PARD3: variants seen among roughly 807,000 people sequenced by gnomAD.
The protein encoded by PARD3 is par-3 family cell polarity regulator.
In PARD3, 75 loss-of-function variants were observed where a neutral mutation model predicts 155.4. That is an observed-to-expected ratio of 0.48 (90% confidence interval 0.40 to 0.58). The LOEUF (loss-of-function observed/expected upper bound fraction) is 0.58, where lower values mean the gene tolerates loss of function less well. Among genes scored for constraint, PARD3 ranks in the 20% least tolerant of loss-of-function variants. The pLI, the probability that PARD3 is intolerant of heterozygous loss-of-function variation, is 0.00. For synonymous variants in PARD3, 576 were observed against 610.5 expected (o/e 0.94, Z 0.83); for missense variants, 1,642 against 1,721.7 (o/e 0.95, Z 0.82).
chr10:34,452,916 C>T (rs1443880403), intron 4 of PARD3, among the ~76,000 whole-genome samples: 2 of 152,280 alleles, frequency 1.3e-5, no homozygotes, highest in Admixed American at 6.5e-5. Context: ...ATTGATACAA[C>T]ATTTTTGCTG....
At chr10:34,550,290 C>T (rs1007527705) in intron 2 of PARD3, among the ~76,000 whole-genome samples, 7 of 152,182 alleles carry the variant, frequency 4.6e-5, no homozygotes, top group African/African-American at 1.7e-4. Flanking sequence ...GGTAGGATCA[C>T]TGCCTCAAAG....
At chr10:34,772,700 AG>A (rs1232190394) in intron 1 of PARD3, among the ~76,000 whole-genome samples, 2 of 149,544 alleles carry the variant, frequency 1.3e-5, no homozygotes, top group East Asian at 4.1e-4. Flanking sequence ...AGGCTGAGGC[AG>A]GAGAATTGCT....
intron 12 of PARD3, among the ~76,000 whole-genome samples, chr10:34,361,326 T>C (rs1397789597): frequency 6.6e-6 from 1 of 152,232 alleles, no homozygotes; most frequent in Admixed American, 6.5e-5. Flanking sequence ...GAAATATTTC[T>C]CCAGCATCTG....
At chr10:34,323,536 C>T (rs1263705992) in intron 19 of PARD3, among the ~76,000 whole-genome samples, 1 of 152,116 alleles carries the variant, frequency 6.6e-6, no homozygotes, top group African/African-American at 2.4e-5. Flanking sequence ...TAGATGACTC[C>T]TCAGACACTC....
At chr10:34,627,241 C>G (rs2092023282) in intron 2 of PARD3, among the ~76,000 whole-genome samples, 1 of 152,100 alleles carries the variant, frequency 6.6e-6, no homozygotes, top group African/African-American at 2.4e-5. Context: ...CTTTGTTGCT[C>G]AGGCTTGAAC....
intron 2 of PARD3, among the ~76,000 whole-genome samples, chr10:34,589,267 TAA>T (rs1384438100): frequency 6.6e-6 from 1 of 152,148 alleles, no homozygotes; most frequent in African/African-American, 2.4e-5. Context: ...CACAATCACT[TAA>T]AAAAGTGTAG....
chr10:34,408,639 T>C (rs1197307698), intron 5 of PARD3, among the ~76,000 whole-genome samples: 4 of 152,140 alleles, frequency 2.6e-5, no homozygotes, highest in Non-Finnish European at 4.4e-5. Flanking sequence ...TTTCCCATCA[T>C]ATATGGAAAA....
intron 1 of PARD3, among the ~76,000 whole-genome samples, chr10:34,734,450 T>C (rs1437731141): frequency 1.4e-5 from 2 of 147,902 alleles, no homozygotes; most frequent in African/African-American, 2.5e-5. Context: ...ATTCTCCTGC[T>C]TCAGCCTCCA....
chr10:34,435,438 GAA>G, intron 5 of PARD3, among the ~76,000 whole-genome samples: 1 of 152,224 alleles, frequency 6.6e-6, no homozygotes, highest in Non-Finnish European at 1.5e-5. Flanking sequence ...GAAAGAAAGA[GAA>G]AGACTGCCAG....
intron 2 of PARD3, among the ~76,000 whole-genome samples, chr10:34,605,339 G>A (rs1564404434): frequency 1.3e-5 from 2 of 148,692 alleles, no homozygotes; most frequent in Non-Finnish European, 3.0e-5. Flanking sequence ...ACTACAGGGC[G>A]CCTACCACCA....
intron 10 of PARD3, among the ~76,000 whole-genome samples, chr10:34,376,168 C>T (rs1841215988): frequency 6.6e-6 from 1 of 152,140 alleles, no homozygotes; most frequent in African/African-American, 2.4e-5. Flanking sequence ...ATAGCTACAA[C>T]TGTAGATACT....
intron 2 of PARD3, among the ~76,000 whole-genome samples, chr10:34,547,002 A>G (rs1357645234): frequency 6.6e-6 from 1 of 152,242 alleles, no homozygotes; most frequent in Non-Finnish European, 1.5e-5. Flanking sequence ...AGCTCACTCT[A>G]ACAAGTTATT....
At chr10:34,511,471 A>G (rs915813824) in intron 3 of PARD3, among the ~76,000 whole-genome samples, 1 of 152,188 alleles carries the variant, frequency 6.6e-6, no homozygotes, top group Non-Finnish European at 1.5e-5. Context: ...AGGGGCTGGC[A>G]TCTGGAGAGG....
chr10:34,360,010 G>T, intron 13 of PARD3, 61 bp downstream of exon 13: 1 of 1,285,976 alleles, frequency 7.8e-7, no homozygotes, highest in South Asian at 1.3e-5. Flanking sequence ...TCCAAAATAG[G>T]AACAGGGTTG....
chr10:34,145,183 GTGTGTGTATA>G (rs1290892488), intron 22 of PARD3, among the ~76,000 whole-genome samples: 11 of 80,250 alleles, frequency 1.4e-4, no homozygotes, highest in African/African-American at 5.6e-4. Context: ...CATTGTGTGT[GTGTGTGTATA>G]TATATATATA....
At chr10:34,788,502 T>G (rs1314734870) in intron 1 of PARD3, among the ~76,000 whole-genome samples, 1 of 149,748 alleles carries the variant, frequency 6.7e-6, no homozygotes, top group Non-Finnish European at 1.5e-5. Flanking sequence ...CAAGCTGGAG[T>G]GCAGTGGCAC....
At chr10:34,210,163 C>T (rs1951672488) in intron 22 of PARD3, among the ~76,000 whole-genome samples, 1 of 152,178 alleles carries the variant, frequency 6.6e-6, no homozygotes, top group African/African-American at 2.4e-5. Flanking sequence ...AAACACCTAT[C>T]TTCTCTGTTA....
chr10:34,284,904 C>T (rs1283617498), intron 20 of PARD3, among the ~76,000 whole-genome samples: 8 of 152,154 alleles, frequency 5.3e-5, no homozygotes, highest in African/African-American at 1.4e-4. Context: ...AACAAACACA[C>T]GGAACAAACC....
intron 18 of PARD3, 99 bp from the exon 19 acceptor site, chr10:34,331,443 G>T: frequency 1.5e-6 from 1 of 671,908 alleles, no homozygotes. Flanking sequence ...ACAATTATTT[G>T]CTCAATGATG....
Sources: allele counts gnomAD v4.1 joint callset (sites outside exome capture counted in the v4.1 genomes callset), GRCh38; gene constraint gnomAD v4.1.1; transcripts MANE v1.5; gene names NCBI Gene and HGNC (gene_info 2026-07-23, HGNC 2026-07-21).